ATRNL1: variants seen among roughly 807,000 people sequenced by gnomAD.
The protein encoded by ATRNL1 is attractin like 1.
ATRNL1 carries 95 observed loss-of-function variants against 182.7 expected under a neutral mutation model. The observed-to-expected ratio is 0.52, with a 90% CI of 0.44 to 0.62. The LOEUF is 0.62. ATRNL1 is among the 20% of genes least tolerant of loss of function. The probability of loss-of-function intolerance (pLI) is 0.00; values close to 1 mark genes in which losing one functional copy is unlikely to be tolerated. For missense variants in ATRNL1, 1,471 were observed against 1,679.5 expected (o/e 0.88, Z 2.17); for synonymous variants, 576 against 568.3 (o/e 1.01, Z -0.19).
chr10:115,168,790 C>T (rs1027521301), intron 7 of ATRNL1, among the ~76,000 whole-genome samples: 1 of 151,852 alleles, frequency 6.6e-6, no homozygotes, highest in Non-Finnish European at 1.5e-5. Flanking sequence ...TCTTTTTAAA[C>T]ACAAAAAATT....
intron 10 of ATRNL1, among the ~76,000 whole-genome samples, chr10:115,261,136 A>G (rs1554908712): frequency 6.6e-6 from 1 of 152,148 alleles, no homozygotes; most frequent in Non-Finnish European, 1.5e-5. Flanking sequence ...ATGAGACTTG[A>G]TAGCATAGTG....
At chr10:115,142,282 T>C (rs886996469) in intron 5 of ATRNL1, among the ~76,000 whole-genome samples, 5 of 152,138 alleles carry the variant, frequency 3.3e-5, no homozygotes, top group Non-Finnish European at 5.9e-5. Flanking sequence ...AGTTCAACCA[T>C]ATAGATATCT....
intron 6 of ATRNL1, 95 bp from the exon 7 acceptor site, chr10:115,165,463 G>T: frequency 3.7e-6 from 2 of 538,358 alleles, no homozygotes; most frequent in Non-Finnish European, 6.3e-6. Context: ...TGAATTTAAT[G>T]AATACTTGGA....
chr10:115,544,906 G>A (rs968851150), intron 25 of ATRNL1, among the ~76,000 whole-genome samples: 2 of 152,042 alleles, frequency 1.3e-5, no homozygotes, highest in Non-Finnish European at 2.9e-5. Flanking sequence ...AATATTTATT[G>A]TTTGCCTGTT....
chr10:115,279,966 G>C lies in ATRNL1; in HGVS notation c.2101-1389G>C, dbSNP rs1382857958. On this transcript the variant is annotated intron_variant, in intron 13 of 28. Transcript: ENST00000355044. ...GCCTTGTGTGTTAGGGGCCACAGTA[G>C]AGAAGCACTAGTAATATTTCTCCAA... Among the ~76,000 whole-genome samples the C allele has an allele frequency of 1.1e-4, 17 of 152,324 alleles. No individual in the cohort carries two copies. In the South Asian group the frequency reaches 1.4e-3, roughly 13 times the overall value.
intron 26 of ATRNL1, among the ~76,000 whole-genome samples, chr10:115,702,676 C>A (rs893987101): frequency 1.3e-5 from 2 of 151,800 alleles, no homozygotes; most frequent in African/African-American, 4.8e-5. Context: ...ACCAAGAATA[C>A]AATCTCATTT....
intron 9 of ATRNL1, among the ~76,000 whole-genome samples, chr10:115,240,398 C>T (rs1437501182): frequency 2.0e-5 from 3 of 151,808 alleles, no homozygotes; most frequent in Admixed American, 6.6e-5. Context: ...ACTACGGGCA[C>T]GTGCCACCAT....
chr10:115,205,248 C>T (rs1554893507), intron 8 of ATRNL1, among the ~76,000 whole-genome samples: 1 of 151,914 alleles, frequency 6.6e-6, no homozygotes, highest in African/African-American at 2.4e-5. Flanking sequence ...TACTTTCATA[C>T]ATTTTAGTCT....
chr10:115,582,042 A>G (rs1447231165), intron 26 of ATRNL1, among the ~76,000 whole-genome samples: 3 of 151,192 alleles, frequency 2.0e-5, no homozygotes, highest in Admixed American at 6.6e-5. Context: ...ATGATTTCCA[A>G]TTTCATCCAT....
chr10:115,485,018 G>GC (rs1848953699), intron 24 of ATRNL1, among the ~76,000 whole-genome samples: 2 of 151,930 alleles, frequency 1.3e-5, no homozygotes, highest in African/African-American at 4.8e-5. Flanking sequence ...GCCATCACTT[G>GC]ATCATGGTCT....
chr10:115,592,265 A>G (rs1480151763), intron 26 of ATRNL1, among the ~76,000 whole-genome samples: 1 of 152,150 alleles, frequency 6.6e-6, no homozygotes, highest in Non-Finnish European at 1.5e-5. Flanking sequence ...AAACCTTAGC[A>G]TTGTGCAATA....
intron 28 of ATRNL1, among the ~76,000 whole-genome samples, chr10:115,908,929 C>A (rs1952584195): frequency 6.6e-6 from 1 of 152,170 alleles, no homozygotes; most frequent in Admixed American, 6.5e-5. Context: ...GTGCAGTAGA[C>A]CCTTGGTGGG....
At chr10:115,287,936 T>TG (rs1423841856) in intron 15 of ATRNL1, among the ~76,000 whole-genome samples, 20 of 150,346 alleles carry the variant, frequency 1.3e-4, no homozygotes, top group Admixed American at 7.9e-4. Context: ...TTTTTTTTTT[T>TG]TTTTTTTTTT....
At chr10:115,798,950 C>T (rs1327612269) in intron 27 of ATRNL1, among the ~76,000 whole-genome samples, 1 of 151,844 alleles carries the variant, frequency 6.6e-6, no homozygotes, top group East Asian at 1.9e-4. Flanking sequence ...CCTCAGCCTC[C>T]CCAGTAGCTG....
At chr10:115,380,485 A>G (rs1265757205) in intron 19 of ATRNL1, among the ~76,000 whole-genome samples, 2 of 152,086 alleles carry the variant, frequency 1.3e-5, no homozygotes, top group Non-Finnish European at 2.9e-5. Flanking sequence ...ACCCCCCTCT[A>G]AAAAGCCCTC....
At chr10:115,741,673 A>C (rs929439562) in intron 27 of ATRNL1, among the ~76,000 whole-genome samples, 2 of 152,166 alleles carry the variant, frequency 1.3e-5, no homozygotes, top group African/African-American at 2.4e-5. Flanking sequence ...TGAACTAGTG[A>C]TTGTCAAAAT....
intron 18 of ATRNL1, among the ~76,000 whole-genome samples, chr10:115,330,251 G>A (rs1855139403): frequency 6.6e-6 from 1 of 152,062 alleles, no homozygotes; most frequent in African/African-American, 2.4e-5. Context: ...CATTTTAGTT[G>A]TTGTTATTTT....
chr10:115,750,156 G>A (rs1254374179), intron 27 of ATRNL1, among the ~76,000 whole-genome samples: 1 of 151,726 alleles, frequency 6.6e-6, no homozygotes, highest in Non-Finnish European at 1.5e-5. Context: ...AATCCTCATG[G>A]GCAAGGACAC....
intron 16 of ATRNL1, among the ~76,000 whole-genome samples, chr10:115,300,904 C>T (rs1554924282): frequency 6.6e-6 from 1 of 152,056 alleles, no homozygotes; most frequent in East Asian, 1.9e-4. Flanking sequence ...TCCTCCACCC[C>T]ACCCCCTACA....
Sources: allele counts gnomAD v4.1 joint callset (sites outside exome capture counted in the v4.1 genomes callset), GRCh38; gene constraint gnomAD v4.1.1; transcripts MANE v1.5; gene names NCBI Gene and HGNC (gene_info 2026-07-23, HGNC 2026-07-21).